Variants in PCDHGB2 observed in about 807,000 individuals in gnomAD.
PCDHGB2 encodes protocadherin gamma subfamily B, 2, also known as protocadherin gamma-B2.
Under a neutral mutation model 59.3 loss-of-function variants are expected in PCDHGB2, and 55 were observed. That is an observed-to-expected ratio of 0.93 (90% CI 0.75 to 1.16). The LOEUF is 1.16. Among genes scored for constraint, PCDHGB2 ranks in the 50% most tolerant of loss-of-function variants. PCDHGB2 has a pLI of 0.00. For synonymous variants in PCDHGB2, 516 were observed against 512.0 expected (o/e 1.01, Z -0.11); for missense variants, 1,228 against 1,198.5 (o/e 1.02, Z -0.36).
At position 141,431,110 on chromosome 5, in the gene PCDHGB2, T is replaced by G; in HGVS notation, c.2422-63697T>G. 1.2e-6 allele frequency: 2 copies of G among 1,614,168 alleles called. No individual in the cohort carries two copies. The highest frequency in any genetic ancestry group is 1.7e-6 in the Non-Finnish European group (2 of 1,180,012). On this transcript the variant is annotated intron_variant, in intron 1 of 3. Transcript: ENST00000522605. This position sits in a 1 kb window ranked among gnomAD's most constrained non-coding sequence, Gnocchi z 4.8. Reference sequence around the variant, plus strand: ...TGATGGAGGATAAAGTGAAAATATATGGAGTAGAAGTAGAAGTAAGGGACA... The same window carrying G: ...TGATGGAGGATAAAGTGAAAATATAGGGAGTAGAAGTAGAAGTAAGGGACA...
At chr5:141,371,007 C>A in intron 1 of PCDHGB2, 1 of 1,613,962 alleles carries the variant, frequency 6.2e-7, no homozygotes, top group South Asian at 1.1e-5. Flanking sequence ...CAGGGAAGAG[C>A]AGCCACATCA....
intron 1 of PCDHGB2, among the ~76,000 whole-genome samples, chr5:141,459,812 A>G (rs1390780491): frequency 1.3e-5 from 2 of 152,232 alleles, no homozygotes; most frequent in South Asian, 2.1e-4. Context: ...GACTAGAGAC[A>G]CTGAGCAACT....
intron 1 of PCDHGB2, among the ~76,000 whole-genome samples, chr5:141,449,586 C>T (rs2098645911): frequency 1.6e-5 from 2 of 125,482 alleles, no homozygotes; most frequent in East Asian, 2.3e-4. Context: ...AAGACTCTGT[C>T]TCAAAAAAAA....
chr5:141,388,402 G>C, intron 1 of PCDHGB2: 1 of 1,613,972 alleles, frequency 6.2e-7, no homozygotes, highest in Non-Finnish European at 8.5e-7. Context: ...TACCAACTCA[G>C]TCCCAGTGAT....
chr5:141,378,924 G>A (rs1426450881), intron 1 of PCDHGB2: 5 of 152,202 alleles, frequency 3.3e-5, no homozygotes, highest in African/African-American at 1.2e-4. Flanking sequence ...TCAAAAGTAA[G>A]TTGATGGCCC....
Position 141,374,926 on chromosome 5 carries a change from T to G in PCDHGB2, c.2421+12370T>G. ...TCCACGGGGAAGTAACTTATTCCTT[T>G]GTGAAGATTACAGAAAAGATCTCAC... is the stretch of plus-strand genomic sequence containing the variant. On this transcript the variant is annotated intron_variant, in intron 1 of 3. Coordinates refer to ENST00000522605, the MANE Select transcript of PCDHGB2 (RefSeq NM_018923.3). The G allele has an allele frequency of 3.1e-6, 5 of 1,613,970 alleles. No individual in the cohort carries two copies. In the South Asian group the frequency reaches 5.5e-5, roughly 18 times the overall value.
chr5:141,432,400 G>A lies in PCDHGB2; in HGVS notation c.2422-62407G>A, dbSNP rs139153105. ...ACCCGCCCCTCAGCAGCAACGTGTC[G>A]TTGAGCCTGTTCGTGCTGGACCAGA... On this transcript the variant is annotated intron_variant, in intron 1 of 3. Transcript: ENST00000522605. The surrounding 1 kb of genome is among the most constrained non-coding windows in gnomAD (Gnocchi z 6.0). 5.6e-6 allele frequency: 9 copies of A among 1,614,122 alleles called. No homozygotes were observed. In the East Asian group the frequency reaches 6.7e-5, roughly 12 times the overall value.
chr5:141,415,055 C>A (rs767474996), intron 1 of PCDHGB2: 1 of 1,613,402 alleles, frequency 6.2e-7, no homozygotes, highest in Non-Finnish European at 8.5e-7. Context: ...GGGGAGCACA[C>A]GGGCGAGGTG....
intron 1 of PCDHGB2, among the ~76,000 whole-genome samples, chr5:141,450,782 C>T (rs1012152203): frequency 2.0e-5 from 3 of 151,350 alleles, no homozygotes; most frequent in East Asian, 1.9e-4. Flanking sequence ...CCACCGTGCC[C>T]GGACCTCATG....
rs914956962 is a variant in PCDHGB2, at chr5:141,420,736, A to G, written c.2421+58180A>G. Among the ~76,000 whole-genome samples, 4 of 152,370 alleles carry G rather than the reference A, an allele frequency of 2.6e-5. No individual in the cohort carries two copies. In the East Asian group the frequency reaches 7.7e-4, roughly 29 times the overall value. On this transcript the variant is annotated intron_variant, in intron 1 of 3. Coordinates refer to ENST00000522605, the MANE Select transcript of PCDHGB2 (RefSeq NM_018923.3). ...TCGTTCCTTTCAGTCGGTTAAAATC[A>G]ATTGGAACCAACTACAACCTACAAG...
chr5:141,400,190 T>G (rs914854634), intron 1 of PCDHGB2: 1 of 1,613,898 alleles, frequency 6.2e-7, no homozygotes, highest in Non-Finnish European at 8.5e-7. Context: ...CAGTTTTACC[T>G]AGTGGTGGCC....
intron 1 of PCDHGB2, among the ~76,000 whole-genome samples, chr5:141,449,589 A>G (rs1196329432): frequency 7.6e-6 from 1 of 131,966 alleles, no homozygotes; most frequent in Non-Finnish European, 1.7e-5. Context: ...ACTCTGTCTC[A>G]AAAAAAAAAA....
intron 1 of PCDHGB2, chr5:141,370,814 G>A (rs1177067134): frequency 9.9e-6 from 16 of 1,613,906 alleles, no homozygotes; most frequent in Non-Finnish European, 1.4e-5. Flanking sequence ...TCACTGAGCT[G>A]GAAATCAGCG....
At chr5:141,376,845 C>A (rs993126177) in intron 1 of PCDHGB2, 21 of 242,440 alleles carry the variant, frequency 8.7e-5, no homozygotes, top group Admixed American at 3.1e-4. Context: ...CGCCACCGCG[C>A]CCGGCTAATT....
intron 1 of PCDHGB2, among the ~76,000 whole-genome samples, chr5:141,457,975 C>T (rs2098934043): frequency 6.6e-6 from 1 of 152,202 alleles, no homozygotes; most frequent in South Asian, 2.1e-4. Context: ...AAGGGAAACA[C>T]ACCCTTTCAG....
intron 1 of PCDHGB2, among the ~76,000 whole-genome samples, chr5:141,445,885 G>A (rs1171777990): frequency 1.3e-5 from 2 of 152,148 alleles, no homozygotes; most frequent in African/African-American, 4.8e-5. Flanking sequence ...CTTGTACTTA[G>A]GAGCTATTAA....
intron 1 of PCDHGB2, chr5:141,376,519 T>C (rs1281722134): frequency 1.2e-6 from 2 of 1,613,930 alleles, no homozygotes; most frequent in Non-Finnish European, 1.7e-6. Context: ...TGAGTTTCTT[T>C]CCGCCTAAGC....
intron 1 of PCDHGB2, chr5:141,405,058 T>C (rs1174407561): frequency 1.2e-6 from 2 of 1,613,912 alleles, no homozygotes; most frequent in East Asian, 2.2e-5. Flanking sequence ...TCGTCTCCTG[T>C]GTCTTCCTCA....
rs1363891858 is a variant in PCDHGB2, at chr5:141,491,369, C to T, written c.2422-3438C>T. 8.7e-6 allele frequency: 14 copies of T among 1,614,110 alleles called. No homozygotes were observed. Among genetic ancestry groups the T allele is most frequent in the East Asian group, 2.2e-5 (1 of 44,866 alleles). On this transcript the variant is annotated intron_variant, in intron 1 of 3. Coordinates refer to ENST00000522605, the MANE Select transcript of PCDHGB2 (RefSeq NM_018923.3). The surrounding 1 kb of genome is among the most constrained non-coding windows in gnomAD (Gnocchi z 6.9). ...AGTCTCTTATCCCTAGTCACCTTCACCTTTCTGTCAGCGAAGTGCCTTCAG... is the reference window on the plus strand; with the variant it reads ...AGTCTCTTATCCCTAGTCACCTTCATCTTTCTGTCAGCGAAGTGCCTTCAG...
Sources: gnomAD v4.1 joint callset for allele counts (sites outside exome capture counted in the v4.1 genomes callset) on GRCh38, gnomAD v4.1.1 for gene constraint, Gnocchi (gnomAD v3.1) non-coding constraint, MANE v1.5 for transcripts, NCBI Gene and HGNC (gene_info 2026-07-23, HGNC 2026-07-21) for gene names.